The following SYN3 variants were observed in gnomAD, a reference collection of about 807,000 sequenced individuals.
SYN3 encodes synapsin III, also known as synapsin-3.
A neutral mutation model predicts 65.8 loss-of-function variants in SYN3; 35 were observed. The ratio of observed to expected loss-of-function variants is 0.53; its 90% CI spans 0.41 to 0.70. The LOEUF (loss-of-function observed/expected upper bound fraction) is 0.70, where lower values mean the gene tolerates loss of function less well. Ranked by LOEUF, SYN3 falls within the 30% of genes least tolerant of loss-of-function variation. The probability of loss-of-function intolerance (pLI) is 0.00; values close to 1 mark genes in which losing one functional copy is unlikely to be tolerated. For missense variants in SYN3, 680 were observed against 749.0 expected (o/e 0.91, Z 1.08); for synonymous variants, 270 against 292.9 (o/e 0.92, Z 0.80).
chr22:32,901,060 TTTGCAGTCTTTAATGCTGATCAGTCTAG>T (rs1441689487), intron 4 of SYN3, among the ~76,000 whole-genome samples: 10 of 152,216 alleles, frequency 6.6e-5, no homozygotes, highest in Non-Finnish European at 1.2e-4. Flanking sequence ...AATTATGCAA[TTTGCAGTCTTTAATGCTGATCAGTCTAG>T]CTGGGTACTG....
chr22:32,878,643 A>G (rs2049043064), intron 4 of SYN3, among the ~76,000 whole-genome samples: 1 of 152,180 alleles, frequency 6.6e-6, no homozygotes, highest in Non-Finnish European at 1.5e-5. Flanking sequence ...CTGTTTTCAT[A>G]TAAAGCACAT....
At chr22:32,572,251 T>TCCC (rs2058769590) in intron 7 of SYN3, among the ~76,000 whole-genome samples, 1 of 127,618 alleles carries the variant, frequency 7.8e-6, no homozygotes, top group Admixed American at 8.0e-5. Flanking sequence ...GGCTCCTTCC[T>TCCC]TCCTTTCCTT....
intron 3 of SYN3, among the ~76,000 whole-genome samples, chr22:32,958,959 G>C (rs2051553717): frequency 6.6e-6 from 1 of 152,142 alleles, no homozygotes; most frequent in Admixed American, 6.5e-5. Flanking sequence ...TTGAGAGGCT[G>C]AGGCGGGTGG....
At chr22:33,012,855 A>G (rs543628264) in intron 1 of SYN3, among the ~76,000 whole-genome samples, 7 of 152,384 alleles carry the variant, frequency 4.6e-5, no homozygotes, top group African/African-American at 1.4e-4. Flanking sequence ...ACCTAAATGT[A>G]TATTTCACTA....
In SYN3 at chr22:32,786,043, A is replaced by G. The variant is rs149081944; in HGVS notation, c.711+78872T>C. Among the ~76,000 whole-genome samples, 1,463 of 152,360 alleles carry G rather than the reference A, an allele frequency of 9.6e-3. 11 individuals carry two copies. Among genetic ancestry groups the G allele is most frequent in the Non-Finnish European group, 0.014 (962 of 68,034 alleles). Reference sequence around the variant, plus strand: ...GAAAAAAAAAATACAGCATTCTAGCAAGATACAATCCCATTTACTTACTGC... The same window carrying G: ...GAAAAAAAAAATACAGCATTCTAGCGAGATACAATCCCATTTACTTACTGC... On this transcript the variant is annotated intron_variant, in intron 6 of 13. Coordinates refer to ENST00000358763, the MANE Select transcript of SYN3 (RefSeq NM_003490.4).
intron 1 of SYN3, among the ~76,000 whole-genome samples, chr22:33,049,683 A>G (rs1180158489): frequency 6.6e-6 from 1 of 152,224 alleles, no homozygotes; most frequent in Admixed American, 6.5e-5. Context: ...GAAGACAAAG[A>G]ACAAAAACCA....
intron 12 of SYN3, among the ~76,000 whole-genome samples, chr22:32,523,363 A>G (rs1373343802): frequency 6.6e-6 from 1 of 152,154 alleles, no homozygotes; most frequent in Non-Finnish European, 1.5e-5. Context: ...ATACAAAAAA[A>G]TTAGCTGGGT....
At chr22:32,658,913 C>T (rs889382735) in intron 6 of SYN3, among the ~76,000 whole-genome samples, 2 of 152,272 alleles carry the variant, frequency 1.3e-5, no homozygotes, top group African/African-American at 4.8e-5. Flanking sequence ...ACATACATTG[C>T]GAGCATACCA....
intron 1 of SYN3, among the ~76,000 whole-genome samples, chr22:33,037,927 T>C (rs2053889153): frequency 6.8e-6 from 1 of 147,000 alleles, no homozygotes; most frequent in South Asian, 2.2e-4. Context: ...AAAAGAAAGG[T>C]AAAAATTAGG....
intron 5 of SYN3, among the ~76,000 whole-genome samples, chr22:32,868,040 C>T (rs557988487): frequency 6.6e-6 from 1 of 152,304 alleles, no homozygotes; most frequent in South Asian, 2.1e-4. Context: ...ACTCACTGAG[C>T]AAGTTCCTTA....
chr22:32,819,331 G>C (rs928655333), intron 6 of SYN3, among the ~76,000 whole-genome samples: 3 of 152,254 alleles, frequency 2.0e-5, no homozygotes, highest in Admixed American at 1.3e-4. Context: ...AGGACACGAT[G>C]CCTTGCTGGT....
intron 6 of SYN3, among the ~76,000 whole-genome samples, chr22:32,794,122 A>G (rs529103885): frequency 6.6e-6 from 1 of 152,180 alleles, no homozygotes; most frequent in Non-Finnish European, 1.5e-5. Flanking sequence ...TGAGCACTGG[A>G]ATTTCCTCAG....
chr22:32,825,552 G>A (rs1276287993), intron 6 of SYN3, among the ~76,000 whole-genome samples: 3 of 150,350 alleles, frequency 2.0e-5, no homozygotes, highest in East Asian at 4.0e-4. Flanking sequence ...CCAGCTACTC[G>A]GGAAGCTGAG....
At chr22:32,946,801 A>G (rs569727556) in intron 3 of SYN3, among the ~76,000 whole-genome samples, 8 of 152,302 alleles carry the variant, frequency 5.3e-5, no homozygotes, top group African/African-American at 1.9e-4. Flanking sequence ...TTAGGGGGGA[A>G]AATAGCCATG....
At chr22:32,881,962 G>A (rs2049152258) in intron 4 of SYN3, among the ~76,000 whole-genome samples, 1 of 151,846 alleles carries the variant, frequency 6.6e-6, no homozygotes, top group African/African-American at 2.4e-5. Flanking sequence ...GACTGAGGCA[G>A]GGGAATCACT....
intron 6 of SYN3, among the ~76,000 whole-genome samples, chr22:32,638,529 T>G (rs1473035589): frequency 6.6e-6 from 1 of 152,262 alleles, no homozygotes; most frequent in East Asian, 1.9e-4. Flanking sequence ...TGGTATCTCA[T>G]GGCGGTTTTG....
intron 3 of SYN3, among the ~76,000 whole-genome samples, chr22:32,977,223 A>G (rs1000971666): frequency 5.3e-5 from 8 of 152,342 alleles, no homozygotes; most frequent in African/African-American, 1.9e-4. Flanking sequence ...TAGACTTCAT[A>G]GACTGGCTGA....
intron 2 of SYN3, among the ~76,000 whole-genome samples, chr22:32,984,160 C>CT (rs2052452730): frequency 2.6e-5 from 1 of 37,764 alleles, no homozygotes; most frequent in African/African-American, 1.4e-4. Flanking sequence ...GAAACTCCAT[C>CT]CAAAAAAAAA....
intron 4 of SYN3, among the ~76,000 whole-genome samples, chr22:32,877,558 C>T (rs567621571): frequency 6.6e-6 from 1 of 152,264 alleles, no homozygotes; most frequent in African/African-American, 2.4e-5. Context: ...CAGCAGCACT[C>T]CCATGCCCAG....
Sources: allele counts gnomAD v4.1 joint callset (sites outside exome capture counted in the v4.1 genomes callset), GRCh38; gene constraint gnomAD v4.1.1; transcripts MANE v1.5; gene names NCBI Gene and HGNC (gene_info 2026-07-23, HGNC 2026-07-21).